The following ANK2 variants were observed in gnomAD, a reference collection of about 807,000 sequenced individuals.
ANK2 encodes the protein ankyrin 2.
In ANK2, 83 loss-of-function variants were observed where a neutral mutation model predicts 360.5. The observed-to-expected ratio is 0.23, with a 90% CI of 0.19 to 0.28. ANK2 has a LOEUF of 0.28. Ranked by LOEUF, ANK2 falls within the 10% of genes least tolerant of loss-of-function variation. The pLI is 1.00. For synonymous variants in ANK2, 1,740 were observed against 1,759.5 expected (o/e 0.99, Z 0.28); for missense variants, 4,201 against 4,795.7 (o/e 0.88, Z 3.66).
chr4:112,878,975 C>T (rs578197216), intron 1 of ANK2, among the ~76,000 whole-genome samples: 5 of 152,126 alleles, frequency 3.3e-5, no homozygotes, highest in African/African-American at 1.2e-4. Context: ...AGGAAGGACT[C>T]ATTGAGGGAG....
chr4:113,043,053 AT>A (rs1209962419), intron 2 of ANK2, among the ~76,000 whole-genome samples: 1 of 152,176 alleles, frequency 6.6e-6, no homozygotes, highest in African/African-American at 2.4e-5. Flanking sequence ...GGGGTCCAGC[AT>A]ATAGTAGTCA....
intron 2 of ANK2, among the ~76,000 whole-genome samples, chr4:112,922,321 A>G (rs2091728739): frequency 6.6e-6 from 1 of 152,208 alleles, no homozygotes; most frequent in Admixed American, 6.5e-5. Context: ...GGTCCTATAT[A>G]TGGCTCATGG....
At chr4:112,889,804 T>C (rs1221731802) in intron 1 of ANK2, among the ~76,000 whole-genome samples, 1 of 152,194 alleles carries the variant, frequency 6.6e-6, no homozygotes, top group African/African-American at 2.4e-5. Context: ...AGTTATGTAA[T>C]TGGCATGAAT....
chr4:113,137,180 G>C (rs773736748), intron 1 of ANK2, among the ~76,000 whole-genome samples: 57 of 152,178 alleles, frequency 3.7e-4, no homozygotes, highest in Non-Finnish European at 7.8e-4. Flanking sequence ...TCCTTGAATA[G>C]GTCTGAGCTT....
chr4:112,878,696 C>T (rs1305867780), intron 1 of ANK2, among the ~76,000 whole-genome samples: 1 of 151,714 alleles, frequency 6.6e-6, no homozygotes. Context: ...TGCAGTGGCG[C>T]GATCTAGGCT....
intron 7 of ANK2, among the ~76,000 whole-genome samples, chr4:113,238,655 C>G (rs2099402420): frequency 6.6e-6 from 1 of 152,134 alleles, no homozygotes; most frequent in Admixed American, 6.6e-5. Context: ...AGTATTGGCT[C>G]TAAACATTGT....
chr4:113,330,553 A>AT, intron 27 of ANK2, 83 bp downstream of exon 27: 2 of 1,421,388 alleles, frequency 1.4e-6, no homozygotes. Flanking sequence ...GAATGGAAAA[A>AT]GGTACGTCAA....
intron 21 of ANK2, 29 bp downstream of exon 21, chr4:113,292,543 C>G: frequency 6.4e-7 from 1 of 1,559,382 alleles, no homozygotes; most frequent in Non-Finnish European, 8.7e-7. Context: ...CCCCTCACCA[C>G]GCTTTCTTCT....
chr4:113,119,776 A>G (rs979700216), intron 1 of ANK2, among the ~76,000 whole-genome samples: 1 of 152,190 alleles, frequency 6.6e-6, no homozygotes, highest in African/African-American at 2.4e-5. Flanking sequence ...AAGAAAATAA[A>G]TAAGCTGATT....
At position 113,249,882 on chromosome 4, in the gene ANK2, A is replaced by G. The variant is rs2045196449; in HGVS notation, c.990+20A>G. The G allele has an allele frequency of 3.7e-6, 6 of 1,601,802 alleles. No homozygotes were observed. The highest frequency in any genetic ancestry group is 1.7e-5 in the Admixed American group (1 of 59,814). ...ACTAAGGTGAGTCATTATGAGTAAG[A>G]TGGGGTCCTAAGAAATCTTTAAGTT... On this transcript the variant is annotated intron_variant, in intron 10 of 45. Transcript: ENST00000357077.
At chr4:113,219,534 G>A (rs1334537695) in intron 4 of ANK2, among the ~76,000 whole-genome samples, 5 of 151,970 alleles carry the variant, frequency 3.3e-5, no homozygotes, top group African/African-American at 1.2e-4. Flanking sequence ...GCCTACTGCT[G>A]TGTATCTTAT....
intron 1 of ANK2, among the ~76,000 whole-genome samples, chr4:113,144,077 C>T (rs950582254): frequency 2.0e-5 from 3 of 152,232 alleles, no homozygotes; most frequent in African/African-American, 4.8e-5. Context: ...AATGAGCCCC[C>T]TTCCATTGTT....
chr4:113,285,835 G>C (rs1161754992), intron 18 of ANK2, among the ~76,000 whole-genome samples: 1 of 152,200 alleles, frequency 6.6e-6, no homozygotes, highest in Non-Finnish European at 1.5e-5. Flanking sequence ...GAAGGTGGGA[G>C]ATATTTTGTT....
chr4:113,323,790 A>G, intron 26 of ANK2: 1 of 1,611,986 alleles, frequency 6.2e-7, no homozygotes, highest in South Asian at 1.1e-5. Flanking sequence ...ACGTGACAAC[A>G]GCAGGTGAAC....
At chr4:113,057,732 T>C (rs2070836383) in intron 1 of ANK2, among the ~76,000 whole-genome samples, 1 of 152,166 alleles carries the variant, frequency 6.6e-6, no homozygotes, top group African/African-American at 2.4e-5. Flanking sequence ...CATTCGAATC[T>C]AGTAGGGACA....
At chr4:112,737,969 A>G in the ANK2 span, among the ~76,000 whole-genome samples, 3 of 152,192 alleles carry the variant, frequency 2.0e-5, no homozygotes, top group African/African-American at 7.2e-5. Flanking sequence ...GGGTACATCG[A>G]TAGAACAAAC....
chr4:112,787,647 C>G, the ANK2 span, among the ~76,000 whole-genome samples: 3 of 152,202 alleles, frequency 2.0e-5, no homozygotes, highest in African/African-American at 4.8e-5. Context: ...TGTGGAGAAG[C>G]TGCCCTTGGG....
rs992014046 is a variant in ANK2, at chr4:112,847,002, A to C, written c.-40+28738A>C. 3.3e-5 allele frequency among the ~76,000 whole-genome samples: 5 copies of C among 152,326 alleles called. No homozygotes were observed. The South Asian group carries it at 1.0e-3, about 32-fold the overall frequency. On this transcript the variant is annotated intron_variant, in intron 1 of 30. Transcript: ENST00000503271. Reference sequence around the variant, plus strand: ...TGTACACAACAGTTGTGCTGAAATTACATCGATGAGGATATAGTCACATGG... The same window carrying C: ...TGTACACAACAGTTGTGCTGAAATTCCATCGATGAGGATATAGTCACATGG...
At chr4:112,735,609 T>C in the ANK2 span, among the ~76,000 whole-genome samples, 5 of 152,308 alleles carry the variant, frequency 3.3e-5, no homozygotes, top group Non-Finnish European at 5.9e-5. Context: ...CCAGTGAATC[T>C]CTCATTTCCC....
Sources: gnomAD v4.1 joint callset for allele counts (sites outside exome capture counted in the v4.1 genomes callset) on GRCh38, gnomAD v4.1.1 for gene constraint, MANE v1.5 for transcripts, NCBI Gene and HGNC (gene_info 2026-07-23, HGNC 2026-07-21) for gene names.